Variants in CNTN5 observed in about 807,000 individuals in gnomAD.
The protein encoded by CNTN5 is contactin 5.
CNTN5 carries 77 observed loss-of-function variants against 129.1 expected under a neutral mutation model. The observed-to-expected ratio is 0.60, with a 90% CI of 0.50 to 0.72. The LOEUF is 0.72. CNTN5 is among the 30% of genes least tolerant of loss of function. The probability of loss-of-function intolerance (pLI) is 0.00; values close to 1 mark genes in which losing one functional copy is unlikely to be tolerated. For synonymous variants in CNTN5, 509 were observed against 465.6 expected (o/e 1.09, Z -1.20); for missense variants, 1,478 against 1,328.8 (o/e 1.11, Z -1.75).
At chr11:99,038,790 A>ATAT (rs1441672681) in intron 1 of CNTN5, among the ~76,000 whole-genome samples, 5 of 151,932 alleles carry the variant, frequency 3.3e-5, no homozygotes, top group Non-Finnish European at 5.9e-5. Context: ...TATATAGTAT[A>ATAT]TATAATACAT....
intron 9 of CNTN5, among the ~76,000 whole-genome samples, chr11:100,035,102 C>G (rs563939637): frequency 6.6e-6 from 1 of 152,116 alleles, no homozygotes; most frequent in East Asian, 1.9e-4. Context: ...GGTATACCTC[C>G]TAATGCTATC....
chr11:99,099,729 G>A (rs1371429627), intron 1 of CNTN5, among the ~76,000 whole-genome samples: 1 of 152,058 alleles, frequency 6.6e-6, no homozygotes, highest in Non-Finnish European at 1.5e-5. Flanking sequence ...ATGTAAAATA[G>A]GGATAATAAG....
intron 8 of CNTN5, among the ~76,000 whole-genome samples, chr11:99,975,651 G>A (rs1034024085): frequency 6.6e-6 from 1 of 152,082 alleles, no homozygotes; most frequent in Admixed American, 6.6e-5. Flanking sequence ...GAGAGATCGC[G>A]AGTTGGGAAA....
intron 2 of CNTN5, among the ~76,000 whole-genome samples, chr11:99,443,020 T>C (rs1356848230): frequency 1.3e-5 from 2 of 151,818 alleles, no homozygotes; most frequent in African/African-American, 2.4e-5. Flanking sequence ...GTTATTTATT[T>C]AGTAAGTATT....
chr11:99,435,932 C>A (rs1489829839), intron 2 of CNTN5, among the ~76,000 whole-genome samples: 1 of 152,128 alleles, frequency 6.6e-6, no homozygotes, highest in Non-Finnish European at 1.5e-5. Context: ...TTCAGAATTA[C>A]AGTGCAAGGT....
intron 13 of CNTN5, among the ~76,000 whole-genome samples, chr11:100,165,848 T>G: frequency 6.6e-6 from 1 of 151,778 alleles, no homozygotes; most frequent in East Asian, 1.9e-4. Flanking sequence ...AGATAAATAT[T>G]ATTATTACAT....
chr11:99,995,383 A>T (rs1312147660), intron 8 of CNTN5, among the ~76,000 whole-genome samples: 1 of 152,086 alleles, frequency 6.6e-6, no homozygotes, highest in Non-Finnish European at 1.5e-5. Context: ...GTCTTATGTG[A>T]GATTAAACAT....
chr11:99,945,586 C>A (rs1449473121), intron 7 of CNTN5, among the ~76,000 whole-genome samples: 2 of 151,332 alleles, frequency 1.3e-5, no homozygotes, highest in South Asian at 4.2e-4. Flanking sequence ...ATGATGTTAA[C>A]ACTTTTTTTT....
At chr11:100,017,915 T>G (rs1000948465) in intron 9 of CNTN5, among the ~76,000 whole-genome samples, 5 of 151,892 alleles carry the variant, frequency 3.3e-5, no homozygotes, top group Non-Finnish European at 2.9e-5. Flanking sequence ...TAAAAGAAAA[T>G]AGAATAGACA....
intron 8 of CNTN5, among the ~76,000 whole-genome samples, chr11:99,997,106 C>A (rs938431019): frequency 6.6e-6 from 1 of 152,104 alleles, no homozygotes; most frequent in Non-Finnish European, 1.5e-5. Flanking sequence ...TTTTTGATTG[C>A]GTCTATTTGA....
chr11:100,128,162 G>A (rs1297346713), intron 13 of CNTN5, among the ~76,000 whole-genome samples: 1 of 151,938 alleles, frequency 6.6e-6, no homozygotes, highest in Non-Finnish European at 1.5e-5. Flanking sequence ...ATCTCCACTT[G>A]GCTGGCTTTC....
In CNTN5 at chr11:99,307,781, G is replaced by A. The variant is rs899613613; in HGVS notation, c.-209-17565G>A. On this transcript the variant is annotated intron_variant, in intron 1 of 24. Transcript: ENST00000524871. The stretch of plus-strand genomic sequence containing the variant: ...CCAATTTTTTGCTATTAAACAGATC[G>A]GGTCTTGTAATTAAAGAAAATGTCA... Among the ~76,000 whole-genome samples the A allele has an allele frequency of 4.6e-5, 7 of 152,064 alleles. No individual in the cohort carries two copies. In the South Asian group the frequency reaches 6.2e-4, roughly 14 times the overall value.
At chr11:100,074,075 T>G (rs530007812) in intron 12 of CNTN5, 69 bp from the exon 13 acceptor site, 1 of 1,405,336 alleles carries the variant, frequency 7.1e-7, no homozygotes, top group Middle Eastern at 1.8e-4. Flanking sequence ...TTACAAGATC[T>G]TCATGAATCA....
At chr11:100,272,716 G>A (rs1164162895) in intron 18 of CNTN5, among the ~76,000 whole-genome samples, 1 of 152,074 alleles carries the variant, frequency 6.6e-6, no homozygotes, top group Non-Finnish European at 1.5e-5. Context: ...CCCCTACGCG[G>A]GGCTACAGCA....
chr11:99,267,626 A>G (rs905209089), intron 1 of CNTN5, among the ~76,000 whole-genome samples: 1 of 152,014 alleles, frequency 6.6e-6, no homozygotes, highest in African/African-American at 2.4e-5. Flanking sequence ...AACAATTAAA[A>G]CATTTAAATT....
At chr11:99,090,882 C>G (rs1307577302) in intron 1 of CNTN5, among the ~76,000 whole-genome samples, 2 of 151,788 alleles carry the variant, frequency 1.3e-5, no homozygotes, top group Non-Finnish European at 2.9e-5. Flanking sequence ...ATTAGCCCGT[C>G]GCGGTGGCAG....
At chr11:100,149,055 CG>C (rs1946956532) in intron 13 of CNTN5, among the ~76,000 whole-genome samples, 1 of 152,058 alleles carries the variant, frequency 6.6e-6, no homozygotes, top group African/African-American at 2.4e-5. Flanking sequence ...GAAACATCAG[CG>C]TTTTTTCAAA....
intron 3 of CNTN5, among the ~76,000 whole-genome samples, chr11:99,628,613 C>CACACAA (rs1951218849): frequency 6.6e-5 from 1 of 15,118 alleles, no homozygotes; most frequent in African/African-American, 1.5e-4. Flanking sequence ...TAAATAATGA[C>CACACAA]ACACACACAC....
At chr11:100,312,633 T>C (rs1951492445) in intron 21 of CNTN5, among the ~76,000 whole-genome samples, 1 of 152,174 alleles carries the variant, frequency 6.6e-6, no homozygotes, top group South Asian at 2.1e-4. Context: ...AAAACAAATA[T>C]TGAAACAAGG....
Sources: gnomAD v4.1 joint callset for allele counts (sites outside exome capture counted in the v4.1 genomes callset) on GRCh38, gnomAD v4.1.1 for gene constraint, MANE v1.5 for transcripts, NCBI Gene and HGNC (gene_info 2026-07-23, HGNC 2026-07-21) for gene names.